ANGPTL5: variants seen among roughly 807,000 people sequenced by gnomAD.
The protein encoded by ANGPTL5 is angiopoietin-related protein 5.
In ANGPTL5, 34 loss-of-function variants were observed where a neutral mutation model predicts 39.4. The ratio of observed to expected loss-of-function variants is 0.86; its 90% CI spans 0.66 to 1.15. ANGPTL5 has a LOEUF of 1.15. Among genes scored for constraint, ANGPTL5 ranks in the 50% most tolerant of loss-of-function variants. The pLI is 0.00. For missense variants in ANGPTL5, 467 were observed against 457.5 expected, an observed-to-expected ratio of 1.02 and a Z score of -0.19; for synonymous variants, 146 against 152.1, an observed-to-expected ratio of 0.96 and a Z score of 0.29.
At chr11:101,907,399 C>T (rs888759781) in intron 2 of ANGPTL5, 152 bp from the exon 3 acceptor site, 3 of 548,932 alleles carry the variant, frequency 5.5e-6, no homozygotes, top group Non-Finnish European at 8.9e-6. Flanking sequence ...ATTCAAACTT[C>T]CACAAATAAA....
chr11:101,905,925 C>T, intron 3 of ANGPTL5, 78 bp from the exon 4 acceptor site: 2 of 831,274 alleles, frequency 2.4e-6, no homozygotes, highest in Non-Finnish European at 2.0e-6. Context: ...GTGAATTTTA[C>T]CTGATTTTGG....
intron 1 of ANGPTL5, among the ~76,000 whole-genome samples, chr11:101,912,550 A>G (rs1940107238): frequency 6.6e-6 from 1 of 152,236 alleles, no homozygotes; most frequent in African/African-American, 2.4e-5. Flanking sequence ...TAATATTTTG[A>G]AGAAATAAAG....
intron 1 of ANGPTL5, among the ~76,000 whole-genome samples, chr11:101,909,310 C>T (rs1055876191): frequency 5.3e-5 from 8 of 152,120 alleles, no homozygotes; most frequent in Admixed American, 1.3e-4. Flanking sequence ...TTGGGAGTGC[C>T]GGCTCCAAGA....
chr11:101,906,259 CTTTGT>C (rs1939995835), intron 3 of ANGPTL5, among the ~76,000 whole-genome samples: 2 of 152,048 alleles, frequency 1.3e-5, no homozygotes. Context: ...AAAAGTACAT[CTTTGT>C]TTTAATTTTT....
intron 1 of ANGPTL5, among the ~76,000 whole-genome samples, chr11:101,910,424 A>AATATATATATATAT (rs71059523): frequency 2.4e-5 from 3 of 127,214 alleles, no homozygotes; most frequent in Admixed American, 1.6e-4. Flanking sequence ...AAAAAAAAAA[A>AATATATATATATAT]ATATATATAT....
chr11:101,915,515 T>C (rs1471148333), intron 1 of ANGPTL5: 3 of 1,406,204 alleles, frequency 2.1e-6, no homozygotes. Flanking sequence ...TGATCAAAAC[T>C]AGCAAGTCAT....
At chr11:101,915,765 GGAGA>G (rs955431849) in intron 1 of ANGPTL5, among the ~76,000 whole-genome samples, 3 of 152,138 alleles carry the variant, frequency 2.0e-5, no homozygotes, top group Non-Finnish European at 4.4e-5. Flanking sequence ...CGTACTACTT[GGAGA>G]GAGAAATTAC....
At position 101,900,573 on chromosome 11, in the gene ANGPTL5, C is replaced by A. The variant is rs776569879; in HGVS notation, c.541-23G>T. 1.2e-5 allele frequency: 19 copies of A among 1,601,762 alleles called. No homozygotes were observed. In the Admixed American group the frequency reaches 2.3e-4, roughly 20 times the overall value. On this transcript the variant is annotated intron_variant, in intron 6 of 8. Transcript: ENST00000334289. ...TACCTAAAATAAGCACAGAGAAGAC[C>A]AAAATAATACACTATTATTTTCATT... is the stretch of plus-strand genomic sequence containing the variant.
chr11:101,891,736 T>C, intron 8 of ANGPTL5, 138 bp from the exon 9 acceptor site: 1 of 897,148 alleles, frequency 1.1e-6, no homozygotes, highest in South Asian at 1.6e-5. Context: ...CATGTTAAAA[T>C]TCTCCTACTC....
rs762224995 is a variant in ANGPTL5, at chr11:101,891,505, C to A, written c.941G>T (p.Cys314Phe). ...DVDNDGCRPA[C>F]LVNGQSVKSC... is the part of the protein sequence containing the mutation. ...CTTCACAGACTGACCATTGACCAGG[C>A]ATGCAGGGCGACACCCATCATTATC... The change falls in exon 9 of 9, where the codon TGC becomes TTC. Residue 314 changes from cysteine to phenylalanine, a missense_variant. Transcript: ENST00000334289. 6.2e-7 allele frequency: 1 copy of A among 1,614,048 alleles called. No homozygotes were observed.
chr11:101,894,125 A>G (rs1939750398), intron 8 of ANGPTL5, among the ~76,000 whole-genome samples: 2 of 152,220 alleles, frequency 1.3e-5, no homozygotes, highest in Non-Finnish European at 2.9e-5. Flanking sequence ...TTCTGACCCC[A>G]AAAGTTCTAT....
intron 1 of ANGPTL5, chr11:101,915,018 G>C (rs765042538): frequency 2.5e-6 from 1 of 406,908 alleles, no homozygotes; most frequent in Non-Finnish European, 4.4e-6. Flanking sequence ...ACGCGCCGTC[G>C]GTTGTTGTCA....
At chr11:101,898,497 G>C (rs1237561952) in intron 7 of ANGPTL5, among the ~76,000 whole-genome samples, 2 of 152,150 alleles carry the variant, frequency 1.3e-5, no homozygotes, top group African/African-American at 4.8e-5. Context: ...TTGATGTTGT[G>C]TCCTGAGACT....
At chr11:101,898,148 A>G (rs7103929) in intron 7 of ANGPTL5, among the ~76,000 whole-genome samples, 12,239 of 152,128 alleles carry the variant, frequency 0.08, 748 homozygotes, top group East Asian at 0.31. Flanking sequence ...GCTTGAACCC[A>G]GCAGGCAGAG....
At chr11:101,914,312 C>T (rs1334954290) in intron 1 of ANGPTL5, among the ~76,000 whole-genome samples, 2 of 152,216 alleles carry the variant, frequency 1.3e-5, no homozygotes, top group African/African-American at 4.8e-5. Context: ...AAAACTGTCA[C>T]TTGCATAGCC....
chr11:101,915,346 A>G (rs1001644314), intron 1 of ANGPTL5: 1 of 1,613,818 alleles, frequency 6.2e-7, no homozygotes, highest in Non-Finnish European at 8.5e-7. Flanking sequence ...GAATCATCGG[A>G]CAACCTCGAC....
At chr11:101,891,662 C>A (rs1939699429) in intron 8 of ANGPTL5, 64 bp from the exon 9 acceptor site, 2 of 1,459,510 alleles carry the variant, frequency 1.4e-6, no homozygotes, top group South Asian at 2.4e-5. Flanking sequence ...TTAATCATTA[C>A]CAGCATATTA....
intron 8 of ANGPTL5, among the ~76,000 whole-genome samples, chr11:101,891,922 A>G (rs1939704837): frequency 6.6e-6 from 1 of 152,194 alleles, no homozygotes; most frequent in Non-Finnish European, 1.5e-5. Context: ...ACAGACCAAT[A>G]TGATAATTGA....
chr11:101,896,068 A>G (rs1939786389), intron 7 of ANGPTL5, among the ~76,000 whole-genome samples: 1 of 152,078 alleles, frequency 6.6e-6, no homozygotes. Flanking sequence ...CACACAGTAT[A>G]CAACACTTCA....
Sources: gnomAD v4.1 joint callset for allele counts (sites outside exome capture counted in the v4.1 genomes callset) on GRCh38, gnomAD v4.1.1 for gene constraint, MANE v1.5 for transcripts, NCBI Gene and HGNC (gene_info 2026-07-23, HGNC 2026-07-21) for gene names.